FCSK: variants seen among roughly 807,000 people sequenced by gnomAD.
The protein encoded by FCSK is fucose kinase.
In FCSK, 123 loss-of-function variants were observed where a neutral mutation model predicts 122.5. The ratio of observed to expected loss-of-function variants is 1.00; its 90% CI spans 0.87 to 1.17. FCSK has a LOEUF of 1.17. FCSK is among the 50% of genes most tolerant of loss of function. FCSK has a pLI of 0.00. For synonymous variants in FCSK, 620 were observed against 625.5 expected, an observed-to-expected ratio of 0.99 and a Z score of 0.13; for missense variants, 1,366 against 1,450.4, an observed-to-expected ratio of 0.94 and a Z score of 0.95.
rs1376532936 is a variant in FCSK, at chr16:70,472,614, G to A, written c.1406+9G>A. On this transcript the variant is annotated intron_variant, in intron 14 of 23. Transcript: ENST00000288078. ...AAGAGGACAGGTGTTCGGTAAGGTG[G>A]ACACCCCTAGGGCCTCTGTGGGCCT... The A allele has an allele frequency of 1.2e-6, 2 of 1,608,252 alleles. No homozygotes were observed. Among genetic ancestry groups the A allele is most frequent in the Admixed American group, 1.7e-5 (1 of 59,758 alleles).
intron 4 of FCSK, 96 bp from the exon 5 acceptor site, chr16:70,466,036 T>C: frequency 1.6e-6 from 2 of 1,263,110 alleles, no homozygotes; most frequent in Non-Finnish European, 2.2e-6. Context: ...ACATTTTTTA[T>C]CAGCCCTCCA....
Position 70,466,959 on chromosome 16 carries a change from GC to G in FCSK, c.484+7del. 6.2e-7 allele frequency: 1 copy of G among 1,613,180 alleles called. No individual in the cohort carries two copies. ...TGTCTGTTCCTGCAAATCCTGGTGAGCCTGAGACTACCTGGGACTGCCTTCC... is the reference window on the plus strand; with the variant it reads ...TGTCTGTTCCTGCAAATCCTGGTGAGCTGAGACTACCTGGGACTGCCTTCC... On this transcript the variant is annotated splice_donor_region_variant and intron_variant, in intron 6 of 23. Transcript: ENST00000288078.
chr16:70,463,277 G>A lies in FCSK; in HGVS notation c.82+5G>A, dbSNP rs1359658131. The A allele has an allele frequency of 6.2e-7, 1 of 1,611,290 alleles. No individual in the cohort carries two copies. The highest frequency in any genetic ancestry group is 1.7e-5 in the Admixed American group (1 of 59,882). On this transcript the variant is annotated splice_donor_5th_base_variant and intron_variant, in intron 2 of 23. Transcript: ENST00000288078. ...GTGTCCAGGTCTTTCAGAGAGGTAG[G>A]GGACTCCCCTTCCCACCTTGCCCCT...
chr16:70,475,960 G>A (rs980982015), intron 20 of FCSK, 193 bp downstream of exon 20: 10 of 545,626 alleles, frequency 1.8e-5, no homozygotes, highest in Admixed American at 1.5e-4. Flanking sequence ...ACCTCCCAAC[G>A]AGCCGTTTCA....
In FCSK at chr16:70,472,557, C is replaced by A; in HGVS notation, c.1358C>A (p.Thr453Lys). 6.2e-7 allele frequency: 1 copy of A among 1,613,134 alleles called. No individual in the cohort carries two copies. Among genetic ancestry groups the A allele is most frequent in the Non-Finnish European group, 8.5e-7 (1 of 1,179,552 alleles). ...LDSWERQGAG[T>K]YLNVPWSEFF... ...CTCCCCCAGAGACAGGGGGCAGGCA[C>A]ATATCTCAACGTGCCCTGGAGTGAA... is the stretch of plus-strand genomic sequence containing the variant. Residue 453 changes from threonine to lysine, a missense_variant, in exon 14 of 24, where the codon ACA becomes AAA. Thr to Lys is a moderately conservative substitution (Grantham distance 78). Transcript: ENST00000288078.
At chr16:70,460,385 A>G (rs1452436160) in intron 1 of FCSK, among the ~76,000 whole-genome samples, 1 of 149,370 alleles carries the variant, frequency 6.7e-6, no homozygotes, top group African/African-American at 2.5e-5. Context: ...TGCTGGGATT[A>G]CAGGCGTGAG....
At chr16:70,470,210 G>T in intron 10 of FCSK, 104 bp from the exon 11 acceptor site, 1 of 736,118 alleles carries the variant, frequency 1.4e-6, no homozygotes, top group South Asian at 1.6e-5. Flanking sequence ...CCCCTAACAG[G>T]CTCATGGCCA....
At chr16:70,467,726 T>C (rs896150021) in intron 7 of FCSK, 160 bp from the exon 8 acceptor site, 3 of 668,908 alleles carry the variant, frequency 4.5e-6, no homozygotes, top group Non-Finnish European at 5.3e-6. Flanking sequence ...TCTGCCATCA[T>C]GGAGTAGAAA....
In FCSK at chr16:70,475,403, G is replaced by A; in HGVS notation, c.2431G>A (p.Glu811Lys). 6.2e-7 allele frequency: 1 copy of A among 1,610,256 alleles called. No homozygotes were observed. Among genetic ancestry groups the A allele is most frequent in the African/African-American group, 1.3e-5 (1 of 75,046 alleles). Residue 811 changes from glutamate to lysine, a missense_variant, in exon 19 of 24, where the codon GAA becomes AAA. Transcript: ENST00000288078. ...TGCAGGGATCGTGCATGTCCACTCGGAACTCCAGCTGAGTGAGCAGCTGCT... is the reference window on the plus strand; with the variant it reads ...TGCAGGGATCGTGCATGTCCACTCGAAACTCCAGCTGAGTGAGCAGCTGCT... Reference protein sequence around the residue: ...ICAGIVHVHSELQLSEQLLRT... With the variant: ...ICAGIVHVHSKLQLSEQLLRT...
At chr16:70,471,465 CTG>C in intron 13 of FCSK, 113 bp downstream of exon 13, 1 of 1,117,782 alleles carries the variant, frequency 8.9e-7, no homozygotes, top group Non-Finnish European at 1.2e-6. Flanking sequence ...GTGGGACAGG[CTG>C]TGAGGAGGGT....
rs1415572877 is a variant in FCSK, at chr16:70,473,617, G to A, written c.1777+264G>A. On this transcript the variant is annotated intron_variant, in intron 15 of 23. Coordinates refer to ENST00000288078, the MANE Select transcript of FCSK (RefSeq NM_145059.3). This position sits in a 1 kb window ranked among gnomAD's most constrained non-coding sequence, Gnocchi z 4.9. ...TGAGCTCTAGGTCCTAGGCACATCGGCAAACCCTGCGTGTTCTGTACTGGG... is the reference window on the plus strand; with the variant it reads ...TGAGCTCTAGGTCCTAGGCACATCGACAAACCCTGCGTGTTCTGTACTGGG... Among the ~76,000 whole-genome samples, 2 of 152,160 alleles carry A rather than the reference G, an allele frequency of 1.3e-5. No individual in the cohort carries two copies. The highest frequency in any genetic ancestry group is 2.1e-4 in the South Asian group (1 of 4,834).
chr16:70,459,777 G>A (rs547738757), intron 1 of FCSK, among the ~76,000 whole-genome samples: 2 of 147,286 alleles, frequency 1.4e-5, no homozygotes, highest in Non-Finnish European at 3.0e-5. Flanking sequence ...TTATAGACAT[G>A]AGCCACCACA....
chr16:70,461,550 G>T (rs1344164317), intron 1 of FCSK, among the ~76,000 whole-genome samples: 3 of 152,104 alleles, frequency 2.0e-5, no homozygotes, highest in Non-Finnish European at 2.9e-5. Flanking sequence ...GGGCAGGTAG[G>T]GCTGCAGCCC....
In FCSK at chr16:70,478,382, G is replaced by A. The variant is rs748011697; in HGVS notation, c.2752G>A (p.Gly918Ser). The change falls in exon 21 of 24, where the codon GGC becomes AGC. Residue 918 changes from glycine to serine, a missense_variant. Gly to Ser is a moderately conservative substitution (Grantham distance 56). Transcript: ENST00000288078. ...VEVEEVTVPE[G>S]FVQKLNDHLL... Reference sequence around the variant, plus strand: ...GGTAGAAGAGGTCACGGTGCCTGAGGGCTTTGTCCAGAAGCTCAATGACCA... The same window carrying A: ...GGTAGAAGAGGTCACGGTGCCTGAGAGCTTTGTCCAGAAGCTCAATGACCA... 4.9e-5 allele frequency: 79 copies of A among 1,614,212 alleles called. No homozygotes were observed. Among genetic ancestry groups the A allele is most frequent in the Non-Finnish European group, 6.5e-5 (77 of 1,180,042 alleles).
rs761673054 is a variant in FCSK, at chr16:70,469,193, C to T, written c.825C>T (p.Asn275=). The change falls in exon 10 of 24, where the codon AAC becomes AAT. Residue 275 remains asparagine (N), a synonymous_variant. Coordinates refer to ENST00000288078, the MANE Select transcript of FCSK (RefSeq NM_145059.3). The part of the protein sequence containing the change: ...FFDILHCMAE[N]VTREDFLVGR... ...ACATTCTCCACTGCATGGCTGAGAACGTGACCAGGGAGGACTTCCTGGTGG... is the reference window on the plus strand; with the variant it reads ...ACATTCTCCACTGCATGGCTGAGAATGTGACCAGGGAGGACTTCCTGGTGG... 22 of 1,614,050 alleles carry T rather than the reference C, an allele frequency of 1.4e-5. No individual in the cohort carries two copies. The highest frequency in any genetic ancestry group is 6.7e-5 in the Admixed American group (4 of 60,000).
rs761732855 is a variant in FCSK at position 70,465,115 on chromosome 16, C to T, written c.235-11C>T. 3.1e-6 allele frequency: 5 copies of T among 1,613,710 alleles called. No homozygotes were observed. Among genetic ancestry groups the T allele is most frequent in the Non-Finnish European group, 3.4e-6 (4 of 1,179,874 alleles). On this transcript the variant is annotated splice_polypyrimidine_tract_variant and intron_variant, in intron 3 of 23. Coordinates refer to ENST00000288078, the MANE Select transcript of FCSK (RefSeq NM_145059.3). Reference sequence around the variant, plus strand: ...GAGGCCTCTGTTCACAGGGCTTTCCCACTCCTGCAGGTGGTCACATCCGAT... The same window carrying T: ...GAGGCCTCTGTTCACAGGGCTTTCCTACTCCTGCAGGTGGTCACATCCGAT...
At chr16:70,463,876 A>C in intron 3 of FCSK, 102 bp downstream of exon 3, 30 of 1,262,516 alleles carry the variant, frequency 2.4e-5, no homozygotes, top group Non-Finnish European at 2.9e-5. Context: ...TGGCCAACTC[A>C]GCATTGGTCT....
chr16:70,469,258 C>T lies in FCSK; in HGVS notation c.890C>T (p.Ala297Val), dbSNP rs200931948. 3.7e-5 allele frequency: 60 copies of T among 1,613,632 alleles called. No homozygotes were observed. The highest frequency in any genetic ancestry group is 2.8e-4 in the African/African-American group (21 of 75,054). The change falls in exon 10 of 24, where the codon GCG becomes GTG. Residue 297 changes from alanine (A) to valine (V), a missense_variant. By Grantham distance (64) the Ala-to-Val change is moderately conservative (BLOSUM62 0). Coordinates refer to ENST00000288078, the MANE Select transcript of FCSK (RefSeq NM_145059.3). ...PELGQGDADV[A>V]GYLQSARAQL... is the part of the protein sequence containing the mutation. ...TTGGGGCAAGGCGATGCAGATGTAG[C>T]GGGTTATCTGCAGAGCGCCCGGGCC...
At chr16:70,474,046 A>T in intron 15 of FCSK, 83 bp from the exon 16 acceptor site, 1 of 1,320,510 alleles carries the variant, frequency 7.6e-7, no homozygotes, top group Non-Finnish European at 1.1e-6. Flanking sequence ...TGGCGCATTT[A>T]GGGACTGTTG....
Sources: allele counts gnomAD v4.1 joint callset (sites outside exome capture counted in the v4.1 genomes callset), GRCh38; gene constraint gnomAD v4.1.1; non-coding constraint Gnocchi (gnomAD v3.1); transcripts MANE v1.5; gene names NCBI Gene and HGNC (gene_info 2026-07-23, HGNC 2026-07-21).